Variants in SLC68A1 observed in about 807,000 individuals in gnomAD.
SLC68A1 encodes the protein major facilitator superfamily domain containing 13A.
At chr10:102,462,455 C>T in the SLC68A1 span, among the ~76,000 whole-genome samples, 1 of 152,168 alleles carries the variant, frequency 6.6e-6, no homozygotes, top group Admixed American at 6.5e-5. Flanking sequence ...GCACTAATGT[C>T]TCTTGTACAG....
At chr10:102,469,290 C>T in the SLC68A1 span, 1 of 1,316,372 alleles carries the variant, frequency 7.6e-7, no homozygotes, top group Non-Finnish European at 1.1e-6. Flanking sequence ...GGTGCCTGGT[C>T]CCACCCAGTC....
At chr10:102,461,438 G>C in the SLC68A1 span, 2 of 152,412 alleles carry the variant, frequency 1.3e-5, no homozygotes, top group East Asian at 1.9e-4. Context: ...AGGCTTCGCC[G>C]GCTACGATTG....
chr10:102,476,102 T>A, the SLC68A1 span: 1 of 1,326,732 alleles, frequency 7.5e-7, no homozygotes, highest in Non-Finnish European at 9.8e-7. Flanking sequence ...TTGGAGCTGT[T>A]GCCCAAAAAA....
the SLC68A1 span, chr10:102,473,915 A>G: frequency 1.2e-5 from 19 of 1,614,026 alleles, no homozygotes; most frequent in Non-Finnish European, 1.6e-5. Context: ...GCAAGCAGGC[A>G]GCCTCGGCAC....
chr10:102,464,450 CAA>C, the SLC68A1 span, among the ~76,000 whole-genome samples: 2 of 128,688 alleles, frequency 1.6e-5, no homozygotes, highest in Admixed American at 1.6e-4. Context: ...GACTCCGTCT[CAA>C]AAAAAAAAAA....
At chr10:102,473,565 C>T in the SLC68A1 span, 2,830 of 1,593,930 alleles carry the variant, frequency 1.8e-3, 59 homozygotes, top group South Asian at 0.03. Flanking sequence ...CGTCTTCCTC[C>T]CCAGGCCTCT....
the SLC68A1 span, chr10:102,473,080 C>T: frequency 2.6e-6 from 2 of 767,564 alleles, no homozygotes; most frequent in Non-Finnish European, 4.5e-6. Context: ...CCTGCCTCTG[C>T]CTCCCAAAGT....
At chr10:102,465,039 G>T in the SLC68A1 span, among the ~76,000 whole-genome samples, 1 of 152,082 alleles carries the variant, frequency 6.6e-6, no homozygotes, top group Non-Finnish European at 1.5e-5. Context: ...CGGATCACAA[G>T]GTCAGGAGTT....
chr10:102,474,886 GAT>G, the SLC68A1 span, among the ~76,000 whole-genome samples: 1 of 151,968 alleles, frequency 6.6e-6, no homozygotes, highest in Admixed American at 6.5e-5. Context: ...GAGCTCAGGT[GAT>G]CCACCCACCT....
the SLC68A1 span, among the ~76,000 whole-genome samples, chr10:102,465,422 C>T: frequency 6.6e-6 from 1 of 151,646 alleles, no homozygotes; most frequent in East Asian, 1.9e-4. Flanking sequence ...GAGACTCTAT[C>T]TTTAAAAAAA....
the SLC68A1 span, chr10:102,469,816 G>A: frequency 2.0e-6 from 2 of 984,976 alleles, no homozygotes; most frequent in Non-Finnish European, 2.4e-6. Flanking sequence ...CAAAGTGCTG[G>A]TGTGAGCCAC....
the SLC68A1 span, chr10:102,469,114 C>G: frequency 3.5e-5 from 56 of 1,614,056 alleles, no homozygotes; most frequent in Non-Finnish European, 4.1e-5. Context: ...CACCACCATC[C>G]TGCACAATGT....
At chr10:102,476,118 T>TCTGTTG in the SLC68A1 span, 1 of 1,353,010 alleles carries the variant, frequency 7.4e-7, no homozygotes, top group South Asian at 1.7e-5. Flanking sequence ...AAAAAATGGA[T>TCTGTTG]CTGTTGCAGT....
the SLC68A1 span, chr10:102,471,312 G>A: frequency 3.4e-5 from 55 of 1,613,828 alleles, no homozygotes; most frequent in South Asian, 1.4e-4. Context: ...GTGAGGAGGC[G>A]GACAGCATCA....
the SLC68A1 span, among the ~76,000 whole-genome samples, chr10:102,465,419 T>C: frequency 1 from 151,983 of 152,234 alleles, 75,868 homozygotes; most frequent in East Asian, 1. Context: ...AGCGAGACTC[T>C]ATCTTTAAAA....
the SLC68A1 span, chr10:102,469,023 TG>T: frequency 6.2e-7 from 1 of 1,610,524 alleles, no homozygotes; most frequent in Middle Eastern, 1.7e-4. Context: ...AGGCTGGGGC[TG>T]CAGCCATGGG....
chr10:102,469,375 G>A, the SLC68A1 span, among the ~76,000 whole-genome samples: 1 of 152,060 alleles, frequency 6.6e-6, no homozygotes, highest in African/African-American at 2.4e-5. Context: ...ACTCCTCCTC[G>A]ATGGGGACTA....
At chr10:102,474,535 G>C in the SLC68A1 span, among the ~76,000 whole-genome samples, 1 of 152,198 alleles carries the variant, frequency 6.6e-6, no homozygotes, top group South Asian at 2.1e-4. Context: ...AACAGCAGGC[G>C]CAAAGGCCCA....
At chr10:102,469,781 A>C in the SLC68A1 span, 1 of 919,790 alleles carries the variant, frequency 1.1e-6, no homozygotes, top group Admixed American at 6.2e-5. Context: ...TCCTGACCTC[A>C]GGTGATCCAC....
Sources: gnomAD v4.1 joint callset for allele counts (sites outside exome capture counted in the v4.1 genomes callset) on GRCh38, gnomAD v4.1.1 for gene constraint, MANE v1.5 for transcripts, NCBI Gene and HGNC (gene_info 2026-07-23, HGNC 2026-07-21) for gene names.